Variants in PHLDB1 observed in about 807,000 individuals in gnomAD.
The protein encoded by PHLDB1 is pleckstrin homology like domain family B member 1.
Under a neutral mutation model 139.3 loss-of-function variants are expected in PHLDB1, and 65 were observed. The ratio of observed to expected loss-of-function variants is 0.47; its 90% CI spans 0.38 to 0.57. PHLDB1 has a LOEUF of 0.57. PHLDB1 is among the 20% of genes least tolerant of loss of function. The pLI is 0.00. For synonymous variants in PHLDB1, 679 were observed against 734.5 expected (o/e 0.92, Z 1.22); for missense variants, 1,624 against 1,839.7 (o/e 0.88, Z 2.14).
At chr11:118,644,707 T>G in intron 15 of PHLDB1, 1 of 1,287,552 alleles carries the variant, frequency 7.8e-7, no homozygotes, top group Non-Finnish European at 1.0e-6. Flanking sequence ...ACGTTGGTCA[T>G]AGAGGGCATT....
intron 10 of PHLDB1, chr11:118,638,192 T>C (rs1230467992): frequency 1.3e-5 from 2 of 152,294 alleles, no homozygotes; most frequent in Admixed American, 6.5e-5. Context: ...GTGTACAGTG[T>C]GGCTGAGCTG....
intron 13 of PHLDB1, 144 bp from the exon 14 acceptor site, chr11:118,643,656 G>A: frequency 6.5e-7 from 1 of 1,536,334 alleles, no homozygotes; most frequent in Non-Finnish European, 8.7e-7. Context: ...CCATTGGGCT[G>A]GCTCAGGAGG....
chr11:118,643,991 C>T, intron 14 of PHLDB1, 51 bp downstream of exon 14: 1 of 1,595,380 alleles, frequency 6.3e-7, no homozygotes, highest in East Asian at 2.2e-5. Flanking sequence ...TGGAGACTTC[C>T]ACCCTGGGGA....
In PHLDB1 at chr11:118,610,031, C is replaced by T. The variant is rs1939860399; in HGVS notation, c.-22+2332C>T. Among the ~76,000 whole-genome samples, 1 of 151,450 alleles carries T rather than the reference C, an allele frequency of 6.6e-6. No individual in the cohort carries two copies. The highest frequency in any genetic ancestry group is 2.1e-4 in the South Asian group (1 of 4,782). On this transcript the variant is annotated intron_variant, in intron 1 of 22. Coordinates refer to ENST00000600882, the MANE Select transcript of PHLDB1 (RefSeq NM_001144758.3). This position sits in a 1 kb window ranked among gnomAD's most constrained non-coding sequence, Gnocchi z 8.7. ...GCCCCATCTCCCCGCCCGTCAGCCT[C>T]CCCTCCGCTGCCCTCGCGCATCCCC...
In PHLDB1 at chr11:118,650,632, C is replaced by A; in HGVS notation, c.3874+85C>A. 3.4e-6 allele frequency: 3 copies of A among 893,314 alleles called. No homozygotes were observed. Among genetic ancestry groups the A allele is most frequent in the Non-Finnish European group, 5.6e-6 (3 of 535,064 alleles). The allele number at this position is 893,314 out of a possible 1,614,324, so 55.3% of individuals were successfully genotyped here. ...GACGGCTGGTCTTCTAGAAGGAGGC[C>A]AAGCTTCCAAGTAGGGGACCAGAGT... On this transcript the variant is annotated intron_variant, in intron 20 of 22. Coordinates refer to ENST00000600882, the MANE Select transcript of PHLDB1 (RefSeq NM_001144758.3). This position sits in a 1 kb window ranked among gnomAD's most constrained non-coding sequence, Gnocchi z 4.7.
At chr11:118,634,856 A>C in intron 9 of PHLDB1, 2 of 292,358 alleles carry the variant, frequency 6.8e-6, no homozygotes, top group South Asian at 2.5e-5. Flanking sequence ...GCCGGGCCGG[A>C]GTTGAGGAGT....
At chr11:118,621,742 C>T (rs528970069) in intron 4 of PHLDB1, among the ~76,000 whole-genome samples, 34 of 152,248 alleles carry the variant, frequency 2.2e-4, no homozygotes, top group Non-Finnish European at 4.1e-4. Flanking sequence ...GGGGGCACTT[C>T]TCAGCCGGTA....
chr11:118,633,354 G>A (rs574873387), intron 9 of PHLDB1: 1 of 152,382 alleles, frequency 6.6e-6, no homozygotes, highest in East Asian at 1.9e-4. Context: ...GAAATGCTTG[G>A]CTGTGGAGCT....
intron 17 of PHLDB1, chr11:118,646,328 T>TACAACTTCATA (rs1555128865): frequency 6.5e-6 from 1 of 152,974 alleles, no homozygotes; most frequent in East Asian, 1.9e-4. Flanking sequence ...TTGGTTTGAT[T>TACAACTTCATA]ACAACTTCAT....
chr11:118,609,592 A>G (rs1454504878), intron 1 of PHLDB1, among the ~76,000 whole-genome samples: 2 of 151,642 alleles, frequency 1.3e-5, no homozygotes, highest in Non-Finnish European at 2.9e-5. Flanking sequence ...GGCCCCTCAC[A>G]CACATTCAGC....
rs781934572 is a variant in PHLDB1 at position 118,631,996 on chromosome 11, G to A, written c.2184G>A (p.Glu728=). 43 of 1,614,154 alleles carry A rather than the reference G, an allele frequency of 2.7e-5. No homozygotes were observed. The South Asian group carries it at 4.6e-4, about 17-fold the overall frequency. Residue 728 remains glutamate (E), a synonymous_variant, in exon 8 of 23, where the codon GAG becomes GAA. Coordinates refer to ENST00000600882, the MANE Select transcript of PHLDB1 (RefSeq NM_001144758.3). ...EERAQVLGHV[E]QLKVRVKELE... ...GGGCTCAGGTGCTGGGGCACGTGGA[G>A]CAGCTCAAGGTCCGTGTGAAGGAGC...
In PHLDB1 at chr11:118,611,832, A is replaced by AAATAATAAT. The variant is rs1555084304; in HGVS notation, c.-21-1972_-21-1964dup. The stretch of plus-strand genomic sequence containing the variant: ...AAACTCCGTCTCAAAAAAAAAAAAA[A>AAATAATAAT]AATAATAATAATAATAATAAATGGC... On this transcript the variant is annotated intron_variant, in intron 1 of 22. Coordinates refer to ENST00000600882, the MANE Select transcript of PHLDB1 (RefSeq NM_001144758.3). This position sits in a 1 kb window ranked among gnomAD's most constrained non-coding sequence, Gnocchi z 4.7. Among the ~76,000 whole-genome samples, 109 of 147,088 alleles carry AAATAATAAT rather than the reference A, an allele frequency of 7.4e-4. 1 individual carries two copies. In the East Asian group the frequency reaches 0.017, roughly 23 times the overall value.
At chr11:118,624,659 TG>T (rs1555099011) in intron 4 of PHLDB1, 1 of 266,342 alleles carries the variant, frequency 3.8e-6, no homozygotes, top group Non-Finnish European at 7.0e-6. Flanking sequence ...TGGAGTGCAG[TG>T]GCATGATCTC....
chr11:118,642,278 G>A lies in PHLDB1; in HGVS notation c.2761G>A (p.Val921Ile). The A allele has an allele frequency of 1.9e-6, 3 of 1,612,830 alleles. No individual in the cohort carries two copies. The highest frequency in any genetic ancestry group is 2.5e-6 in the Non-Finnish European group (3 of 1,179,900). Residue 921 changes from valine to isoleucine, a missense_variant, in exon 13 of 23, where the codon GTA (valine) becomes ATA (isoleucine). Physicochemically the swap from Val to Ile is conservative, Grantham distance 29. Transcript: ENST00000600882. ...KEMEKLLLPA[V>I]DLEQWYQELM... ...GATGGAGAAGCTGCTGCTCCCTGCT[G>A]TAGACTTAGAGCAGTGGTACCAGGA...
At chr11:118,637,300 A>T in intron 10 of PHLDB1, 1 of 152,220 alleles carries the variant, frequency 6.6e-6, no homozygotes, top group Non-Finnish European at 1.5e-5. Flanking sequence ...TTCTTAGTAG[A>T]TGGCAGCTCT....
At chr11:118,652,457 A>G in intron 20 of PHLDB1, 1 of 152,362 alleles carries the variant, frequency 6.6e-6, no homozygotes, top group East Asian at 1.9e-4. Context: ...CAGGTGGAAT[A>G]ATAGTAATAG....
At position 118,632,174 on chromosome 11, in the gene PHLDB1, G is replaced by A. The variant is rs200683345; in HGVS notation, c.2257G>A (p.Ala753Thr). ...ESAREAEMER[A>T]LLQGEREAER... Reference sequence around the variant, plus strand: ...CTGCCCCCAGGCCGAAATGGAGCGGGCACTGCTGCAGGGAGAGAGGGAGGC... The same window carrying A: ...CTGCCCCCAGGCCGAAATGGAGCGGACACTGCTGCAGGGAGAGAGGGAGGC... Residue 753 changes from alanine to threonine, a missense_variant, in exon 9 of 23, where the codon GCA becomes ACA. Coordinates refer to ENST00000600882, the MANE Select transcript of PHLDB1 (RefSeq NM_001144758.3). The surrounding 1 kb of genome is among the most constrained non-coding windows in gnomAD (Gnocchi z 5.9). 3 of 1,614,088 alleles carry A rather than the reference G, an allele frequency of 1.9e-6. No homozygotes were observed. Among genetic ancestry groups the A allele is most frequent in the African/African-American group, 2.7e-5 (2 of 75,050 alleles).
intron 17 of PHLDB1, chr11:118,647,275 T>C (rs1947670274): frequency 2.0e-5 from 3 of 152,280 alleles, no homozygotes; most frequent in South Asian, 2.1e-4. Flanking sequence ...TCAGATACAA[T>C]TGTAAGAGCC....
In PHLDB1 at chr11:118,632,489, G is replaced by T; in HGVS notation, c.2379+193G>T. 1.5e-6 allele frequency: 1 copy of T among 647,838 alleles called. No homozygotes were observed. The highest frequency in any genetic ancestry group is 2.7e-6 in the Non-Finnish European group (1 of 374,738). 40.1% of individuals were successfully genotyped at this position (647,838 alleles called of 1,614,324 possible). On this transcript the variant is annotated intron_variant, in intron 9 of 22. Transcript: ENST00000600882. This position sits in a 1 kb window ranked among gnomAD's most constrained non-coding sequence, Gnocchi z 5.9. ...ACCAGCTTGGAGGGCACTGCCAGGG[G>T]CTGGGCTGGTGTCTGGGGTCTCCTC...
Sources: allele counts gnomAD v4.1 joint callset (sites outside exome capture counted in the v4.1 genomes callset), GRCh38; gene constraint gnomAD v4.1.1; non-coding constraint Gnocchi (gnomAD v3.1); transcripts MANE v1.5; gene names NCBI Gene and HGNC (gene_info 2026-07-23, HGNC 2026-07-21).